The following HLA-DRB5 variants were observed in gnomAD, a reference collection of about 807,000 sequenced individuals.
HLA-DRB5 encodes DR beta-5.
A neutral mutation model predicts 22.4 loss-of-function variants in HLA-DRB5; 11 were observed. That is an observed-to-expected ratio of 0.49 (90% CI 0.31 to 0.81). The LOEUF is 0.81. Among genes scored for constraint, HLA-DRB5 ranks in the 40% least tolerant of loss-of-function variants. The probability of loss-of-function intolerance (pLI) is 0.05; values close to 1 mark genes in which losing one functional copy is unlikely to be tolerated. For missense variants in HLA-DRB5, 106 were observed against 274.4 expected, an observed-to-expected ratio of 0.39 and a Z score of 4.34; for synonymous variants, 57 against 106.0, an observed-to-expected ratio of 0.54 and a Z score of 2.84.
At position 32,521,041 on chromosome 6, in the gene HLA-DRB5, A is replaced by T. The variant is rs1195789459; in HGVS notation, c.370+864T>A. ...AAATAGGTCAAGATAATTCAAAAGA[A>T]TTCCAAATAAAAAAATAAATTAAAT... On this transcript the variant is annotated intron_variant, in intron 2 of 5. Coordinates refer to ENST00000374975, the MANE Select transcript of HLA-DRB5 (RefSeq NM_002125.4). Among the ~76,000 whole-genome samples the T allele has an allele frequency of 2.2e-4, 8 of 36,506 alleles. 4 individuals carry two copies. The highest frequency in any genetic ancestry group is 4.5e-4 in the Non-Finnish European group (8 of 17,790). 23.9% of individuals were successfully genotyped at this position (36,506 alleles called of 152,430 possible). A position where few individuals can be genotyped will look rare whatever the true frequency, so the allele number is the denominator to read the frequency against.
Position 32,524,381 on chromosome 6 carries a change from C to G in HLA-DRB5, c.101-2207G>C, listed in dbSNP as rs1218208274. Among the ~76,000 whole-genome samples, 3 of 126,662 alleles carry G rather than the reference C, an allele frequency of 2.4e-5. 1 individual carries two copies. Among genetic ancestry groups the G allele is most frequent in the Non-Finnish European group, 5.1e-5 (3 of 59,378 alleles). 83.1% of individuals were successfully genotyped at this position (126,662 alleles called of 152,430 possible). On this transcript the variant is annotated intron_variant, in intron 1 of 5. Coordinates refer to ENST00000374975, the MANE Select transcript of HLA-DRB5 (RefSeq NM_002125.4). ...ATTATCTGTAGTAGTGAATCACAACCACAGCTATTTTATTCCCATTTAATG... is the reference window on the plus strand; with the variant it reads ...ATTATCTGTAGTAGTGAATCACAACGACAGCTATTTTATTCCCATTTAATG...
At chr6:32,526,076 C>T (rs116684175) in intron 1 of HLA-DRB5, among the ~76,000 whole-genome samples, 27,320 of 77,636 alleles carry the variant, frequency 0.35, 7,359 homozygotes, top group Middle Eastern at 0.55. Flanking sequence ...GAACCCAGAG[C>T]ACAGTCCTTC....
At chr6:32,529,883 G>A (rs1300046295) in intron 1 of HLA-DRB5, among the ~76,000 whole-genome samples, 7 of 43,670 alleles carry the variant, frequency 1.6e-4, no homozygotes, top group Non-Finnish European at 3.6e-4. Context: ...TGATGAAAAG[G>A]TTTCATTGGT....
intron 1 of HLA-DRB5, among the ~76,000 whole-genome samples, chr6:32,523,252 T>A (rs143977933): frequency 8.3e-4 from 30 of 36,242 alleles, no homozygotes; most frequent in Non-Finnish European, 1.0e-3. Flanking sequence ...TTTGGCAAAT[T>A]TCACCTGATA....
At chr6:32,520,758 A>ATAAATTTCGCAATATATTTGATTAAAT (rs1562429416) in intron 2 of HLA-DRB5, among the ~76,000 whole-genome samples, 7 of 49,160 alleles carry the variant, frequency 1.4e-4, no homozygotes, top group Non-Finnish European at 2.5e-4. Flanking sequence ...AACCATTAAT[A>ATAAATTTCGCAATATATTTGATTAAAT]AAAGTTTTGG....
At chr6:32,522,333 C>T (rs113777123) in intron 1 of HLA-DRB5, among the ~76,000 whole-genome samples, 159 bp from the exon 2 acceptor site, 392 of 26,408 alleles carry the variant, frequency 0.015, 87 homozygotes, top group Admixed American at 0.018. Context: ...GCTCATCCTC[C>T]GTCTTCCTGA....
chr6:32,529,095 T>G (rs535719340), intron 1 of HLA-DRB5, among the ~76,000 whole-genome samples: 7,607 of 106,816 alleles, frequency 0.071, 130 homozygotes, highest in Non-Finnish European at 0.083. Context: ...TAAGGAAAGC[T>G]GAGGGCATGA....
intron 1 of HLA-DRB5, among the ~76,000 whole-genome samples, chr6:32,523,581 T>G (rs72508443): frequency 1.7e-4 from 7 of 41,694 alleles, no homozygotes; most frequent in East Asian, 6.3e-4. Flanking sequence ...TTGTGACTTA[T>G]AAGGGCAAGT....
intron 1 of HLA-DRB5, among the ~76,000 whole-genome samples, chr6:32,524,118 C>T (rs115254515): frequency 0.5 from 28,769 of 57,504 alleles, 12,865 homozygotes; most frequent in Middle Eastern, 0.75. Context: ...TTGAACAAGC[C>T]ACTAGTGGTT....
At chr6:32,523,626 A>G (rs1457143207) in intron 1 of HLA-DRB5, among the ~76,000 whole-genome samples, 1 of 96,130 alleles carries the variant, frequency 1.0e-5, no homozygotes, top group African/African-American at 3.5e-5. Flanking sequence ...CTGACCAACA[A>G]CTCATGAAAA....
At chr6:32,520,635 C>T in intron 2 of HLA-DRB5, among the ~76,000 whole-genome samples, 1 of 97,882 alleles carries the variant, frequency 1.0e-5, no homozygotes. Context: ...GGTGCTTATG[C>T]CTAGGAAAAT....
At position 32,521,950 on chromosome 6, in the gene HLA-DRB5, T is replaced by G; in HGVS notation, c.325A>C (p.Arg109=). The part of the protein sequence containing the change: ...DRRAAVDTYC[R]HNYGVGESFT... The stretch of plus-strand genomic sequence containing the variant: ...CTCTCACCAACCCCGTAGTTGTGTC[T>G]GCAGTAGGTGTCCACCGCGGCGCGC... Residue 109 remains arginine (R), a synonymous_variant, in exon 2 of 6, where the codon AGA becomes CGA. Transcript: ENST00000374975. The G allele has an allele frequency of 6.5e-7, 1 of 1,538,120 alleles. No homozygotes were observed. The highest frequency in any genetic ancestry group is 8.9e-7 in the Non-Finnish European group (1 of 1,122,930).
At chr6:32,525,525 G>T (rs1769495196) in intron 1 of HLA-DRB5, among the ~76,000 whole-genome samples, 3 of 124,636 alleles carry the variant, frequency 2.4e-5, no homozygotes, top group Non-Finnish European at 5.0e-5. Flanking sequence ...AAAACAGAGG[G>T]CAGAAACACT....
chr6:32,525,883 G>A (rs879650148), intron 1 of HLA-DRB5, among the ~76,000 whole-genome samples: 1,386 of 49,466 alleles, frequency 0.028, no homozygotes, highest in East Asian at 0.07. Context: ...TATATTCTAA[G>A]TCACTAATAA....
chr6:32,524,440 C>A (rs1769337982), intron 1 of HLA-DRB5, among the ~76,000 whole-genome samples: 1 of 121,678 alleles, frequency 8.2e-6, no homozygotes, highest in Non-Finnish European at 1.7e-5. Flanking sequence ...GTCTCCCACT[C>A]CCAACAATAC....
intron 1 of HLA-DRB5, among the ~76,000 whole-genome samples, chr6:32,525,206 A>C (rs1303727471): frequency 0.17 from 5,585 of 32,454 alleles, 2,207 homozygotes; most frequent in Middle Eastern, 0.29. Context: ...ATCAGAAAAT[A>C]TGAATTGAAA....
At chr6:32,519,672 A>C (rs199690134) in intron 2 of HLA-DRB5, 21 bp from the exon 3 acceptor site, 3 of 558,630 alleles carry the variant, frequency 5.4e-6, no homozygotes, top group Non-Finnish European at 7.7e-6. Flanking sequence ...GGAAATGTAG[A>C]GGGAATGACT....
chr6:32,521,045 C>T (rs151093752), intron 2 of HLA-DRB5, among the ~76,000 whole-genome samples: 592 of 22,150 alleles, frequency 0.027, 58 homozygotes, highest in Non-Finnish European at 0.032. Flanking sequence ...AAAAGAATTC[C>T]AAATAAAAAA....
At chr6:32,525,823 A>G (rs199973717) in intron 1 of HLA-DRB5, among the ~76,000 whole-genome samples, 31,904 of 73,984 alleles carry the variant, frequency 0.43, 7,685 homozygotes, top group Middle Eastern at 0.6. Context: ...GATGGAGACC[A>G]GATTCATTTT....
Sources: allele counts gnomAD v4.1 joint callset (sites outside exome capture counted in the v4.1 genomes callset), GRCh38; gene constraint gnomAD v4.1.1; transcripts MANE v1.5; gene names NCBI Gene and HGNC (gene_info 2026-07-23, HGNC 2026-07-21).